Variants in MAP1B observed in about 807,000 individuals in gnomAD.
MAP1B encodes microtubule-associated protein 1B.
MAP1B carries 12 observed loss-of-function variants against 176.1 expected under a neutral mutation model. The ratio of observed to expected loss-of-function variants is 0.07; its 90% CI spans 0.04 to 0.11. The LOEUF (loss-of-function observed/expected upper bound fraction) is 0.11, where lower values mean the gene tolerates loss of function less well. Among genes scored for constraint, MAP1B ranks in the 10% least tolerant of loss-of-function variants. The probability of loss-of-function intolerance (pLI) is 1.00; values close to 1 mark genes in which losing one functional copy is unlikely to be tolerated. For missense variants in MAP1B, 2,523 were observed against 2,990.5 expected (o/e 0.84, Z 3.65); for synonymous variants, 1,044 against 1,135.0 (o/e 0.92, Z 1.61).
chr5:72,164,206 C>A, intron 2 of MAP1B, among the ~76,000 whole-genome samples: 1 of 152,080 alleles, frequency 6.6e-6, no homozygotes, highest in East Asian at 1.9e-4. Context: ...GCTGGGATTA[C>A]AGGCATGAGC....
intron 2 of MAP1B, among the ~76,000 whole-genome samples, chr5:72,138,429 T>C (rs1458802058): frequency 6.6e-6 from 1 of 152,142 alleles, no homozygotes; most frequent in African/African-American, 2.4e-5. Context: ...TATTTGGATA[T>C]AAACAACCTT....
At chr5:72,111,921 T>C (rs1431820828) in intron 1 of MAP1B, among the ~76,000 whole-genome samples, 1 of 152,136 alleles carries the variant, frequency 6.6e-6, no homozygotes, top group Non-Finnish European at 1.5e-5. Context: ...CGTCATTACA[T>C]ACATATGTTA....
intron 4 of MAP1B, among the ~76,000 whole-genome samples, chr5:72,187,832 C>T (rs1189819941): frequency 6.6e-6 from 1 of 152,202 alleles, no homozygotes; most frequent in South Asian, 2.1e-4. Flanking sequence ...TAATAATGTT[C>T]ACTCTCCAGC....
chr5:72,149,133 T>C (rs1171351694), intron 2 of MAP1B, among the ~76,000 whole-genome samples: 5 of 152,234 alleles, frequency 3.3e-5, no homozygotes, highest in Non-Finnish European at 5.9e-5. Flanking sequence ...AAGATTATCT[T>C]ATTTTTAAAA....
Position 72,202,112 on chromosome 5 carries a change from G to A in MAP1B, c.7013-1451G>A, listed in dbSNP as rs141745284. ...GTTAATTTTCATTTATTTTGGAGATGCTTTTAGATGTCTAAAAAGGCAAAG... is the reference window on the plus strand; with the variant it reads ...GTTAATTTTCATTTATTTTGGAGATACTTTTAGATGTCTAAAAAGGCAAAG... On this transcript the variant is annotated intron_variant, in intron 5 of 6. Transcript: ENST00000296755. Among the ~76,000 whole-genome samples, 217 of 152,312 alleles carry A rather than the reference G, an allele frequency of 1.4e-3. 2 individuals carry two copies. In the East Asian group the frequency reaches 0.036, roughly 25 times the overall value.
chr5:72,115,554 A>G (rs998911882), intron 1 of MAP1B, 144 bp from the exon 2 acceptor site: 1 of 621,558 alleles, frequency 1.6e-6, no homozygotes, highest in African/African-American at 1.8e-5. Context: ...TTTTGTGGGC[A>G]TCCACTGCTA....
At chr5:72,193,360 T>G (rs781719163) in intron 4 of MAP1B, 5 of 295,344 alleles carry the variant, frequency 1.7e-5, no homozygotes, top group South Asian at 1.0e-4. Flanking sequence ...TTTTTTTTTT[T>G]GCCAAGTCTA....
intron 5 of MAP1B, 136 bp downstream of exon 5, chr5:72,200,503 TCTC>T (rs979346696): frequency 7.1e-6 from 8 of 1,124,088 alleles, no homozygotes; most frequent in Non-Finnish European, 1.0e-5. Flanking sequence ...CCTGTACTCT[TCTC>T]CTCTGCCCAA....
chr5:72,199,108 A>G lies in MAP1B; in HGVS notation c.5753A>G (p.Asp1918Gly), dbSNP rs199910170. 2 of 1,614,126 alleles carry G rather than the reference A, an allele frequency of 1.2e-6. No homozygotes were observed. The highest frequency in any genetic ancestry group is 1.7e-6 in the Non-Finnish European group (2 of 1,180,020). ...KIERTTKSPS[D>G]SGYSYETIGK... The stretch of plus-strand genomic sequence containing the variant: ...GAGAGAACCACAAAATCTCCAAGTG[A>G]CAGTGGCTACTCCTATGAGACCATT... The change falls in exon 5 of 7, where the codon GAC becomes GGC. Residue 1918 changes from aspartate to glycine, a missense_variant. Physicochemically the swap from Asp to Gly is moderately conservative, Grantham distance 94. Coordinates refer to ENST00000296755, the MANE Select transcript of MAP1B (RefSeq NM_005909.5). This position sits in a 1 kb window ranked among gnomAD's most constrained non-coding sequence, Gnocchi z 4.2.
chr5:72,185,487 C>A (rs1285654957), intron 3 of MAP1B, among the ~76,000 whole-genome samples: 1 of 151,866 alleles, frequency 6.6e-6, no homozygotes, highest in African/African-American at 2.4e-5. Context: ...CCCAGCTACT[C>A]AGGAGGCTGA....
At chr5:72,190,219 G>C (rs1438894726) in intron 4 of MAP1B, among the ~76,000 whole-genome samples, 1 of 152,174 alleles carries the variant, frequency 6.6e-6, no homozygotes, top group Non-Finnish European at 1.5e-5. Context: ...CAATGGGGAA[G>C]TCAATGGGGA....
chr5:72,164,872 A>C (rs1746395220), intron 2 of MAP1B, among the ~76,000 whole-genome samples: 1 of 152,164 alleles, frequency 6.6e-6, no homozygotes, highest in African/African-American at 2.4e-5. Flanking sequence ...AGGGGGTTTT[A>C]TCTCTATTCA....
At chr5:72,110,259 A>G (rs1242923539) in intron 1 of MAP1B, among the ~76,000 whole-genome samples, 5 of 152,120 alleles carry the variant, frequency 3.3e-5, no homozygotes, top group African/African-American at 1.2e-4. Flanking sequence ...TGATTTTTTA[A>G]TTCCCTAATT....
rs1345823796 is a variant in MAP1B, at chr5:72,160,599, T to C, written c.287-23144T>C. 7.2e-5 allele frequency among the ~76,000 whole-genome samples: 11 copies of C among 152,326 alleles called. No homozygotes were observed. The South Asian group carries it at 2.1e-3, about 29-fold the overall frequency. The stretch of plus-strand genomic sequence containing the variant: ...ATGATGTCATCATTTTATTCTACCG[T>C]ATATCATTTTAAGCCTACTGAAGAA... On this transcript the variant is annotated intron_variant, in intron 2 of 6. Transcript: ENST00000296755.
chr5:72,145,057 G>A (rs991384953), intron 2 of MAP1B, among the ~76,000 whole-genome samples: 2 of 152,144 alleles, frequency 1.3e-5, no homozygotes, highest in Admixed American at 6.5e-5. Context: ...CCAGCTGTGG[G>A]GAGCACTGTC....
intron 2 of MAP1B, among the ~76,000 whole-genome samples, chr5:72,171,425 A>C (rs1746538976): frequency 6.6e-6 from 1 of 151,958 alleles, no homozygotes; most frequent in South Asian, 2.1e-4. Context: ...CCATCTCTAC[A>C]AAAAACAGAA....
At chr5:72,127,792 C>T (rs761619774) in intron 2 of MAP1B, among the ~76,000 whole-genome samples, 5 of 152,058 alleles carry the variant, frequency 3.3e-5, no homozygotes, top group African/African-American at 4.8e-5. Flanking sequence ...AATAATCCCT[C>T]GTGGGATTAT....
chr5:72,131,895 C>T (rs1192005316), intron 2 of MAP1B, among the ~76,000 whole-genome samples: 5 of 152,188 alleles, frequency 3.3e-5, no homozygotes, highest in African/African-American at 4.8e-5. Flanking sequence ...TCTTGCATCA[C>T]GTCTGATTAT....
intron 2 of MAP1B, among the ~76,000 whole-genome samples, chr5:72,150,203 G>C (rs1746117148): frequency 1.3e-5 from 2 of 152,230 alleles, no homozygotes; most frequent in South Asian, 4.1e-4. Context: ...CCTAGGTCTT[G>C]ATATCTGCTA....
Sources: allele counts gnomAD v4.1 joint callset (sites outside exome capture counted in the v4.1 genomes callset), GRCh38; gene constraint gnomAD v4.1.1; non-coding constraint Gnocchi (gnomAD v3.1); transcripts MANE v1.5; gene names NCBI Gene and HGNC (gene_info 2026-07-23, HGNC 2026-07-21).